Variants in ASXL2 observed in about 807,000 individuals in gnomAD.
ASXL2 encodes the protein ASXL transcriptional regulator 2.
In ASXL2, 23 loss-of-function variants were observed where a neutral mutation model predicts 122.0. The observed-to-expected ratio is 0.19, with a 90% CI of 0.14 to 0.27. ASXL2 has a LOEUF of 0.27. Ranked by LOEUF, ASXL2 falls within the 10% of genes least tolerant of loss-of-function variation. ASXL2 has a pLI of 1.00. For synonymous variants in ASXL2, 650 were observed against 637.0 expected (o/e 1.02, Z -0.31); for missense variants, 1,518 against 1,713.8 (o/e 0.89, Z 2.02).
intron 4 of ASXL2, among the ~76,000 whole-genome samples, chr2:25,799,925 G>A (rs1158974253): frequency 6.8e-6 from 1 of 147,242 alleles, no homozygotes; most frequent in Non-Finnish European, 1.5e-5. Flanking sequence ...CAGTTAGAAT[G>A]TTTGAGACCA....
intron 3 of ASXL2, among the ~76,000 whole-genome samples, chr2:25,831,329 A>G (rs2089448863): frequency 6.6e-6 from 1 of 151,838 alleles, no homozygotes; most frequent in Non-Finnish European, 1.5e-5. Context: ...AGAGTATTCA[A>G]AGAATTAACA....
intron 5 of ASXL2, among the ~76,000 whole-genome samples, chr2:25,772,497 C>A (rs547480233): frequency 6.6e-6 from 1 of 152,180 alleles, no homozygotes; most frequent in South Asian, 2.1e-4. Context: ...CTTTGGGAGG[C>A]CAAGGTGGGT....
intron 11 of ASXL2, among the ~76,000 whole-genome samples, chr2:25,752,853 GAA>G (rs70950118): frequency 0.39 from 43,871 of 113,370 alleles, 6,814 homozygotes; most frequent in African/African-American, 0.48. Context: ...CTCAAAAAAA[GAA>G]AAAAAAAAAA....
chr2:25,801,392 G>A (rs1315819985), intron 4 of ASXL2, among the ~76,000 whole-genome samples: 1 of 152,102 alleles, frequency 6.6e-6, no homozygotes. Context: ...TGACATTATA[G>A]CCAAGACTAT....
chr2:25,803,547 G>A (rs922903633), intron 4 of ASXL2, among the ~76,000 whole-genome samples: 18 of 152,184 alleles, frequency 1.2e-4, no homozygotes, highest in Non-Finnish European at 1.5e-5. Flanking sequence ...TTGAATTACA[G>A]CAGTGGTCCC....
Position 25,744,435 on chromosome 2 carries a change from C to T in ASXL2, c.1902G>A (p.Ser634=), listed in dbSNP as rs772279825. The change falls in exon 13 of 13, where the codon TCG becomes TCA. Residue 634 remains serine (S), a synonymous_variant. Coordinates refer to ENST00000435504, the MANE Select transcript of ASXL2 (RefSeq NM_018263.6). The surrounding 1 kb of genome is among the most constrained non-coding windows in gnomAD (Gnocchi z 4.7). ...SRISPMPFHP[S]QVSPRARFPV... is the part of the protein sequence containing the mutation. Reference sequence around the variant, plus strand: ...GAAAACGAGCCCTGGGAGAGACCTGCGATGGATGAAACGGCATGGGGGAGA... The same window carrying T: ...GAAAACGAGCCCTGGGAGAGACCTGTGATGGATGAAACGGCATGGGGGAGA... The T allele has an allele frequency of 1.6e-5, 26 of 1,611,754 alleles. No homozygotes were observed. The highest frequency in any genetic ancestry group is 1.7e-4 in the Middle Eastern group (1 of 6,060).
chr2:25,863,898 C>G (rs146158047), intron 1 of ASXL2, among the ~76,000 whole-genome samples: 1 of 150,752 alleles, frequency 6.6e-6, no homozygotes, highest in Non-Finnish European at 1.5e-5. Context: ...CCCAGCTACT[C>G]GGAAGGCTGA....
At chr2:25,875,261 T>C (rs975018223) in intron 1 of ASXL2, among the ~76,000 whole-genome samples, 2 of 152,116 alleles carry the variant, frequency 1.3e-5, no homozygotes, top group East Asian at 1.9e-4. Flanking sequence ...AGCCAGTGTA[T>C]ATATTTAAGT....
intron 4 of ASXL2, among the ~76,000 whole-genome samples, chr2:25,803,839 G>A (rs897942534): frequency 6.6e-6 from 1 of 152,160 alleles, no homozygotes. Context: ...GGTTCCTAAC[G>A]GGCCACAGAC....
At chr2:25,824,433 G>A (rs1044752650) in intron 3 of ASXL2, among the ~76,000 whole-genome samples, 2 of 152,002 alleles carry the variant, frequency 1.3e-5, no homozygotes, top group African/African-American at 4.8e-5. Context: ...TAACTGAACT[G>A]GAGCTGAGCT....
At chr2:25,745,807 C>A (rs1481508258) in intron 12 of ASXL2, among the ~76,000 whole-genome samples, 1 of 151,360 alleles carries the variant, frequency 6.6e-6, no homozygotes, top group Admixed American at 6.6e-5. Flanking sequence ...CCACACCCAG[C>A]TAATTTTTTT....
In ASXL2 at chr2:25,740,055, A is replaced by C; in HGVS notation, c.*1974T>G. ...GCTTGAAAATATACTCCTTATCCCC[A>C]ATCCTTGCAGCCTTCTTATCTCTTA... is the stretch of plus-strand genomic sequence containing the variant. On this transcript the variant is annotated 3_prime_UTR_variant, in exon 13 of 13. Transcript: ENST00000435504. 1 of 226,576 alleles carries C rather than the reference A, an allele frequency of 4.4e-6. No individual in the cohort carries two copies. Among genetic ancestry groups the C allele is most frequent in the Non-Finnish European group, 8.8e-6 (1 of 113,868 alleles). 14.0% of individuals were successfully genotyped at this position (226,576 alleles called of 1,614,324 possible).
chr2:25,771,750 G>A (rs554754153), intron 5 of ASXL2, among the ~76,000 whole-genome samples: 10 of 152,282 alleles, frequency 6.6e-5, no homozygotes, highest in African/African-American at 2.4e-4. Context: ...ATAGGGAAGG[G>A]ATGAGTGTTA....
chr2:25,816,949 A>C (rs2089246094), intron 3 of ASXL2, among the ~76,000 whole-genome samples: 1 of 152,150 alleles, frequency 6.6e-6, no homozygotes, highest in Admixed American at 6.5e-5. Context: ...ACATGGTGAA[A>C]CCCAGTCTCT....
rs758928313 is a variant in ASXL2, at chr2:25,742,724, C to T, written c.3613G>A (p.Ala1205Thr). The change falls in exon 13 of 13, where the codon GCT becomes ACT. Residue 1205 changes from alanine to threonine, a missense_variant. Physicochemically the swap from Ala to Thr is moderately conservative, Grantham distance 58. This residue lies in a region of ASXL2 where 831 missense variants were observed against 833.1 expected (regional missense o/e 1.00). Coordinates refer to ENST00000435504, the MANE Select transcript of ASXL2 (RefSeq NM_018263.6). ...CCTGAACTTGTGTCACCCTTGCCAG[C>T]ACTCTGGGAAACCTGGGGCTCCTCT... The part of the protein sequence containing the change: ...VKEEPQVSQS[A>T]GKGDTSSGPH... 5 of 1,614,006 alleles carry T rather than the reference C, an allele frequency of 3.1e-6. No homozygotes were observed. The highest frequency in any genetic ancestry group is 3.4e-6 in the Non-Finnish European group (4 of 1,179,882).
intron 3 of ASXL2, among the ~76,000 whole-genome samples, chr2:25,817,610 T>C (rs927830436): frequency 6.6e-6 from 1 of 152,182 alleles, no homozygotes; most frequent in South Asian, 2.1e-4. Flanking sequence ...TCCGGAAATA[T>C]ACAAATAAAC....
intron 3 of ASXL2, among the ~76,000 whole-genome samples, chr2:25,823,998 T>C (rs1574434833): frequency 1.3e-5 from 2 of 152,214 alleles, no homozygotes; most frequent in African/African-American, 2.4e-5. Flanking sequence ...TTAAAGTGGA[T>C]CTGTAATAGA....
chr2:25,767,491 T>TA lies in ASXL2; in HGVS notation c.775+91dup. ...TTTGCTATGTAACTCAAATCTAAGT[T>TA]ATAAGTACCTAAGCCAGGTAGCTGA... On this transcript the variant is annotated intron_variant, in intron 8 of 12. Transcript: ENST00000435504. 4 of 1,377,186 alleles carry TA rather than the reference T, an allele frequency of 2.9e-6. No homozygotes were observed. In the South Asian group the frequency reaches 4.3e-5, roughly 15 times the overall value. 85.3% of individuals were successfully genotyped at this position (1,377,186 alleles called of 1,614,324 possible). A position where few individuals can be genotyped will look rare whatever the true frequency, so the allele number is the denominator to read the frequency against.
At chr2:25,763,741 T>C (rs891409353) in intron 8 of ASXL2, among the ~76,000 whole-genome samples, 1 of 152,194 alleles carries the variant, frequency 6.6e-6, no homozygotes, top group African/African-American at 2.4e-5. Flanking sequence ...CACAACCCTA[T>C]GAAGTAGGTA....
Sources: gnomAD v4.1 joint callset for allele counts (sites outside exome capture counted in the v4.1 genomes callset) on GRCh38, gnomAD v4.1.1 for gene constraint, gnomAD v4.1.1 regional missense constraint, Gnocchi (gnomAD v3.1) non-coding constraint, MANE v1.5 for transcripts, NCBI Gene and HGNC (gene_info 2026-07-23, HGNC 2026-07-21) for gene names.